CCDC60: variants seen among roughly 807,000 people sequenced by gnomAD.
CCDC60 encodes the protein coiled-coil domain containing 60.
In CCDC60, 54 loss-of-function variants were observed where a neutral mutation model predicts 63.5. The ratio of observed to expected loss-of-function variants is 0.85; its 90% CI spans 0.68 to 1.07. The LOEUF is 1.07. Ranked by LOEUF, CCDC60 falls within the 50% of genes least tolerant of loss-of-function variation. CCDC60 has a pLI of 0.00. For synonymous variants in CCDC60, 206 were observed against 238.8 expected (o/e 0.86, Z 1.27); for missense variants, 651 against 684.3 (o/e 0.95, Z 0.54).
At chr12:119,485,210 T>A (rs1951406734) in intron 4 of CCDC60, among the ~76,000 whole-genome samples, 2 of 152,260 alleles carry the variant, frequency 1.3e-5, no homozygotes, top group African/African-American at 4.8e-5. Flanking sequence ...CTCAAAGAAG[T>A]TAAGTAATTT....
At position 119,500,996 on chromosome 12, in the gene CCDC60, T is replaced by C. The variant is rs537613658; in HGVS notation, c.648+828T>C. Among the ~76,000 whole-genome samples, 80 of 152,282 alleles carry C rather than the reference T, an allele frequency of 5.3e-4. 2 individuals are homozygous for C. The South Asian group carries it at 0.016, about 31-fold the overall frequency. The stretch of plus-strand genomic sequence containing the variant: ...CCTAACCCAGGACCTCCCAAACTCA[T>C]CTACTCAATAAACAAGCCTAATAAT... On this transcript the variant is annotated intron_variant, in intron 6 of 13. Coordinates refer to ENST00000327554, the MANE Select transcript of CCDC60 (RefSeq NM_178499.5).
chr12:119,488,704 C>A (rs1035982464), intron 4 of CCDC60, 55 bp from the exon 5 acceptor site: 5 of 1,478,726 alleles, frequency 3.4e-6, no homozygotes, highest in Non-Finnish European at 4.7e-6. Context: ...GCTATTTTTG[C>A]GAAGAAAGTT....
chr12:119,370,729 GT>G (rs1319369110), intron 1 of CCDC60, among the ~76,000 whole-genome samples: 2 of 152,164 alleles, frequency 1.3e-5, no homozygotes, highest in Non-Finnish European at 2.9e-5. Context: ...CTCTTCAACA[GT>G]TTGGTTTAGA....
intron 13 of CCDC60, among the ~76,000 whole-genome samples, chr12:119,538,091 GC>G (rs1953060835): frequency 6.6e-6 from 1 of 152,212 alleles, no homozygotes; most frequent in Non-Finnish European, 1.5e-5. Flanking sequence ...AGCTTCCACG[GC>G]CACTTTGTTT....
intron 1 of CCDC60, among the ~76,000 whole-genome samples, chr12:119,382,150 G>T (rs189129804): frequency 6.6e-6 from 1 of 152,230 alleles, no homozygotes; most frequent in Admixed American, 6.5e-5. Flanking sequence ...ATGTGCTTTA[G>T]CCACGAAACT....
At chr12:119,408,181 A>G (rs748213055) in intron 1 of CCDC60, among the ~76,000 whole-genome samples, 8 of 151,770 alleles carry the variant, frequency 5.3e-5, no homozygotes, top group Non-Finnish European at 1.2e-4. Context: ...CAAATCATCA[A>G]CTGTTTCTTG....
chr12:119,464,569 C>A (rs767776189), intron 2 of CCDC60, among the ~76,000 whole-genome samples: 1 of 152,146 alleles, frequency 6.6e-6, no homozygotes, highest in Non-Finnish European at 1.5e-5. Context: ...CCCCGAAAAA[C>A]CTTAAAAACT....
chr12:119,499,925 TC>T (rs990617239), intron 5 of CCDC60, among the ~76,000 whole-genome samples, 152 bp from the exon 6 acceptor site: 2 of 151,712 alleles, frequency 1.3e-5, no homozygotes, highest in South Asian at 2.1e-4. Flanking sequence ...TGGAGAACTA[TC>T]CCCCCCATTT....
intron 1 of CCDC60, among the ~76,000 whole-genome samples, chr12:119,395,278 C>T (rs1956232004): frequency 6.6e-6 from 1 of 152,144 alleles, no homozygotes; most frequent in Admixed American, 6.5e-5. Flanking sequence ...ATTATTGCAC[C>T]ACTATAAAGA....
rs1951442290 is a variant in CCDC60, at chr12:119,486,479, A to C, written c.450-2280A>C. ...CTTAAGCCCAGGAGTTGGAGGCTGCAGCCTGGTGACAGAATGAGAGCCTGT... is the reference window on the plus strand; with the variant it reads ...CTTAAGCCCAGGAGTTGGAGGCTGCCGCCTGGTGACAGAATGAGAGCCTGT... On this transcript the variant is annotated intron_variant, in intron 4 of 13. Coordinates refer to ENST00000327554, the MANE Select transcript of CCDC60 (RefSeq NM_178499.5). 1.3e-5 allele frequency among the ~76,000 whole-genome samples: 2 copies of C among 152,212 alleles called. 1 individual carries two copies. The highest frequency in any genetic ancestry group is 4.1e-4 in the South Asian group (2 of 4,828).
intron 1 of CCDC60, among the ~76,000 whole-genome samples, chr12:119,359,684 T>C (rs1365208332): frequency 1.3e-5 from 2 of 152,052 alleles, no homozygotes; most frequent in Non-Finnish European, 2.9e-5. Flanking sequence ...CCTGCGGCCT[T>C]CCGCAGCGTT....
intron 1 of CCDC60, among the ~76,000 whole-genome samples, chr12:119,337,390 C>T (rs1037602702): frequency 6.6e-6 from 1 of 152,176 alleles, no homozygotes; most frequent in Non-Finnish European, 1.5e-5. Context: ...TCTGCCTCTT[C>T]GCAGCCCTGT....
intron 1 of CCDC60, among the ~76,000 whole-genome samples, chr12:119,359,733 C>T (rs879329991): frequency 1.3e-5 from 2 of 152,066 alleles, no homozygotes; most frequent in Non-Finnish European, 2.9e-5. Flanking sequence ...GTGGTGATGA[C>T]TCTTAATGAG....
At chr12:119,497,178 C>A (rs1349020296) in intron 5 of CCDC60, among the ~76,000 whole-genome samples, 1 of 152,234 alleles carries the variant, frequency 6.6e-6, no homozygotes, top group Non-Finnish European at 1.5e-5. Context: ...CACAGTGCTA[C>A]ACTTGCCTTC....
chr12:119,509,701 T>C (rs905769840), intron 7 of CCDC60, among the ~76,000 whole-genome samples: 8 of 152,142 alleles, frequency 5.3e-5, no homozygotes, highest in Non-Finnish European at 8.8e-5. Flanking sequence ...AACTAACACT[T>C]AAAAGTATTT....
chr12:119,387,113 AC>A (rs1454141256), intron 1 of CCDC60, among the ~76,000 whole-genome samples: 1 of 150,606 alleles, frequency 6.6e-6, no homozygotes, highest in African/African-American at 2.5e-5. Flanking sequence ...CACTTTCCAA[AC>A]CCAGTCCTCA....
rs540766603 is a variant in CCDC60 at position 119,489,986 on chromosome 12, C to T, written c.557+1120C>T. On this transcript the variant is annotated intron_variant, in intron 5 of 13. Coordinates refer to ENST00000327554, the MANE Select transcript of CCDC60 (RefSeq NM_178499.5). ...CTAATTTTTGTATTTTTCGTAGAGA[C>T]GGGGTTTCACCATGTTGGCCAGGAT... Among the ~76,000 whole-genome samples, 8 of 152,184 alleles carry T rather than the reference C, an allele frequency of 5.3e-5. No individual in the cohort carries two copies. The East Asian group carries it at 9.7e-4, about 18-fold the overall frequency.
At chr12:119,495,358 C>T (rs1326803974) in intron 5 of CCDC60, among the ~76,000 whole-genome samples, 1 of 152,094 alleles carries the variant, frequency 6.6e-6, no homozygotes, top group Non-Finnish European at 1.5e-5. Context: ...AAAAGGGACT[C>T]GACTTACCGA....
chr12:119,412,918 T>G (rs1593050498), intron 1 of CCDC60, among the ~76,000 whole-genome samples: 1 of 152,044 alleles, frequency 6.6e-6, no homozygotes, highest in Non-Finnish European at 1.5e-5. Context: ...TACTCGTGGG[T>G]AGATTGAAGC....
Sources: gnomAD v4.1 joint callset for allele counts (sites outside exome capture counted in the v4.1 genomes callset) on GRCh38, gnomAD v4.1.1 for gene constraint, MANE v1.5 for transcripts, NCBI Gene and HGNC (gene_info 2026-07-23, HGNC 2026-07-21) for gene names.